SLIT2: variants seen among roughly 807,000 people sequenced by gnomAD.
The protein encoded by SLIT2 is slit guidance ligand 2, also known as slit homolog 2 protein.
A neutral mutation model predicts 185.7 loss-of-function variants in SLIT2; 41 were observed. The ratio of observed to expected loss-of-function variants is 0.22; its 90% confidence interval spans 0.17 to 0.29. The LOEUF is 0.29. Ranked by LOEUF, SLIT2 falls within the 10% of genes least tolerant of loss-of-function variation. SLIT2 has a pLI of 1.00. For missense variants in SLIT2, 1,571 were observed against 1,909.0 expected (o/e 0.82, Z 3.30); for synonymous variants, 693 against 680.2 (o/e 1.02, Z -0.29).
chr4:20,558,165 T>G (rs1446859983), intron 26 of SLIT2, among the ~76,000 whole-genome samples: 1 of 152,036 alleles, frequency 6.6e-6, no homozygotes, highest in Non-Finnish European at 1.5e-5. Flanking sequence ...TGGCAGAGTT[T>G]GAGAGGATTG....
intron 4 of SLIT2, among the ~76,000 whole-genome samples, chr4:20,330,828 C>T (rs937008742): frequency 2.0e-5 from 3 of 151,952 alleles, no homozygotes; most frequent in Non-Finnish European, 4.4e-5. Flanking sequence ...TTAGAAAAAT[C>T]TTGCAGATCA....
At chr4:20,407,302 AAC>A (rs559532273) in intron 4 of SLIT2, among the ~76,000 whole-genome samples, 175 of 152,302 alleles carry the variant, frequency 1.1e-3, no homozygotes, top group African/African-American at 3.8e-3. Context: ...TCTAAAATTC[AAC>A]ACAGTCTCTA....
intron 4 of SLIT2, among the ~76,000 whole-genome samples, chr4:20,317,562 G>A (rs930328050): frequency 1.3e-5 from 2 of 152,004 alleles, no homozygotes; most frequent in Non-Finnish European, 2.9e-5. Flanking sequence ...TCTAAAATGA[G>A]TTATCTAAGG....
intron 4 of SLIT2, among the ~76,000 whole-genome samples, chr4:20,362,205 A>C (rs1722794760): frequency 6.6e-6 from 1 of 152,088 alleles, no homozygotes; most frequent in South Asian, 2.1e-4. Context: ...TCTCTGGGAA[A>C]TTTAAACCAT....
intron 9 of SLIT2, among the ~76,000 whole-genome samples, chr4:20,496,335 A>T (rs761982024): frequency 2.6e-5 from 4 of 152,234 alleles, no homozygotes; most frequent in Admixed American, 6.5e-5. Context: ...TAATTTGGAG[A>T]AGGAATAATA....
rs190100816 is a variant in SLIT2 at position 20,272,462 on chromosome 4, A to G, written c.395+3581A>G. ...GGGAATTTTGAAACAGTTGATTATG[A>G]TTGATTGAAATTTATGAGTACTAAT... is the stretch of plus-strand genomic sequence containing the variant. On this transcript the variant is annotated intron_variant, in intron 4 of 36. Transcript: ENST00000504154. Among the ~76,000 whole-genome samples, 19 of 152,156 alleles carry G rather than the reference A, an allele frequency of 1.2e-4. No homozygotes were observed. In the East Asian group the frequency reaches 1.7e-3, roughly 14 times the overall value.
intron 4 of SLIT2, among the ~76,000 whole-genome samples, chr4:20,446,037 T>C (rs1287306320): frequency 6.6e-6 from 1 of 152,224 alleles, no homozygotes. Flanking sequence ...AGAAACCAGC[T>C]GTTCCCATCT....
intron 4 of SLIT2, among the ~76,000 whole-genome samples, chr4:20,290,625 A>C (rs567202999): frequency 6.0e-4 from 91 of 152,262 alleles, no homozygotes; most frequent in African/African-American, 2.1e-3. Flanking sequence ...CCCTTTCTTC[A>C]CTAGAGCTTG....
At chr4:20,578,261 T>G (rs1726234853) in intron 29 of SLIT2, among the ~76,000 whole-genome samples, 1 of 152,170 alleles carries the variant, frequency 6.6e-6, no homozygotes, top group Admixed American at 6.5e-5. Flanking sequence ...AAAATATAAA[T>G]ATAAAGGTAT....
intron 4 of SLIT2, among the ~76,000 whole-genome samples, chr4:20,431,008 G>A (rs979602293): frequency 9.8e-5 from 15 of 152,286 alleles, no homozygotes; most frequent in African/African-American, 2.6e-4. Flanking sequence ...TAAAGATGGC[G>A]ACAGATCAAA....
chr4:20,609,931 C>G (rs549931067), intron 33 of SLIT2, 82 bp from the exon 34 acceptor site: 400 of 1,287,988 alleles, frequency 3.1e-4, no homozygotes, highest in Non-Finnish European at 4.1e-4. Flanking sequence ...TCCCAAGGAG[C>G]ACTTATCAAA....
intron 29 of SLIT2, among the ~76,000 whole-genome samples, chr4:20,580,769 G>A (rs543246012): frequency 3.2e-4 from 49 of 152,212 alleles, no homozygotes; most frequent in Non-Finnish European, 6.0e-4. Context: ...CTACACTACT[G>A]TGCTCCACTT....
At chr4:20,255,041 G>T (rs556002284) in intron 1 of SLIT2, 1 of 456,270 alleles carries the variant, frequency 2.2e-6, no homozygotes, top group East Asian at 7.0e-5. Flanking sequence ...TGTGAACGCC[G>T]AGGCCGCCGC....
intron 4 of SLIT2, among the ~76,000 whole-genome samples, chr4:20,421,145 G>T (rs1262001651): frequency 6.6e-6 from 1 of 152,170 alleles, no homozygotes. Context: ...TTAAAATGGG[G>T]ATGACCTTCA....
At chr4:20,499,468 A>G (rs917975667) in intron 9 of SLIT2, among the ~76,000 whole-genome samples, 8 of 152,038 alleles carry the variant, frequency 5.3e-5, no homozygotes, top group Admixed American at 4.6e-4. Flanking sequence ...ACATATTTCA[A>G]AGTCATCTGA....
At chr4:20,351,277 G>A (rs1721852959) in intron 4 of SLIT2, among the ~76,000 whole-genome samples, 1 of 151,998 alleles carries the variant, frequency 6.6e-6, no homozygotes, top group South Asian at 2.1e-4. Context: ...TCAAACTCCT[G>A]ACCTCAGGTG....
At position 20,437,181 on chromosome 4, in the gene SLIT2, G is replaced by A. The variant is rs538563626; in HGVS notation, c.396-30571G>A. ...AGACTCATATACCATTGCCTCCCCC[G>A]CATCTCCATTTGGATGTCTGCTCGG... On this transcript the variant is annotated intron_variant, in intron 4 of 36. Transcript: ENST00000504154. Among the ~76,000 whole-genome samples, 30 of 152,086 alleles carry A rather than the reference G, an allele frequency of 2.0e-4. No individual in the cohort carries two copies. The South Asian group carries it at 4.8e-3, about 24-fold the overall frequency.
chr4:20,596,894 A>G lies in SLIT2; in HGVS notation c.3561+239A>G, dbSNP rs533855758. ...TGATAAGCAGACAGTAAAAAAAAAA[A>G]TATGTCTCTTTGTTTTGTGCTCAGA... On this transcript the variant is annotated intron_variant, in intron 32 of 36. Coordinates refer to ENST00000504154, the MANE Select transcript of SLIT2 (RefSeq NM_004787.4). 1.3e-4 allele frequency among the ~76,000 whole-genome samples: 19 copies of G among 148,634 alleles called. No homozygotes were observed. The East Asian group carries it at 2.4e-3, about 19-fold the overall frequency.
intron 4 of SLIT2, among the ~76,000 whole-genome samples, chr4:20,336,892 G>A (rs971587324): frequency 1.3e-5 from 2 of 152,124 alleles, no homozygotes; most frequent in African/African-American, 4.8e-5. Context: ...TTGACACCAT[G>A]TGGGAATTCC....
Sources: gnomAD v4.1 joint callset for allele counts (sites outside exome capture counted in the v4.1 genomes callset) on GRCh38, gnomAD v4.1.1 for gene constraint, MANE v1.5 for transcripts, NCBI Gene and HGNC (gene_info 2026-07-23, HGNC 2026-07-21) for gene names.